CCNB3: variants seen among roughly 807,000 people sequenced by gnomAD.
CCNB3 encodes the protein cyclin B3, also known as G2/mitotic-specific cyclin-B3.
A neutral mutation model predicts 68.0 loss-of-function variants in CCNB3; 12 were observed. The observed-to-expected ratio is 0.18, with a 90% CI of 0.11 to 0.29. The LOEUF (loss-of-function observed/expected upper bound fraction) is 0.29. CCNB3 is among the 10% of genes least tolerant of loss of function. The pLI, the probability that CCNB3 is intolerant of heterozygous loss-of-function variation, is 1.00. For missense variants in CCNB3, 904 were observed against 993.1 expected (o/e 0.91, Z 1.21); for synonymous variants, 354 against 388.9 (o/e 0.91, Z 1.06).
At chrX:50,324,907 A>G (rs1462401574) in intron 8 of CCNB3, among the ~76,000 whole-genome samples, 1 of 111,143 alleles carries the variant, frequency 9.0e-6, no homozygotes, top group Non-Finnish European at 1.9e-5. Flanking sequence ...TTTTAAAAAT[A>G]TTTCCTTTTC....
chrX:50,341,484 A>G (rs900003167), intron 8 of CCNB3, among the ~76,000 whole-genome samples: 6 of 109,116 alleles, frequency 5.5e-5, no homozygotes, highest in African/African-American at 1.3e-4. Context: ...CAAAATTAGT[A>G]GAAGGAAAGA....
At chrX:50,284,218 C>T (rs1476946451) in intron 1 of CCNB3, among the ~76,000 whole-genome samples, 1 of 111,063 alleles carries the variant, frequency 9.0e-6, no homozygotes, top group East Asian at 2.8e-4. Context: ...ACTCCTTCAC[C>T]ATCTTCGTCC....
At chrX:50,295,423 CT>C (rs1239596574) in intron 5 of CCNB3, among the ~76,000 whole-genome samples, 3 of 111,238 alleles carry the variant, frequency 2.7e-5, no homozygotes, top group Non-Finnish European at 5.7e-5. Context: ...TACTATCTCC[CT>C]AGAGCAAAAA....
intron 3 of CCNB3, among the ~76,000 whole-genome samples, chrX:50,286,697 T>TG (rs1393132397): frequency 1.9e-5 from 2 of 106,824 alleles, no homozygotes; most frequent in Admixed American, 2.0e-4. Context: ...GTCACCAGGC[T>TG]GGAGTGCAGT....
chrX:50,320,010 G>T (rs1289278309), intron 8 of CCNB3, among the ~76,000 whole-genome samples: 1 of 111,015 alleles, frequency 9.0e-6, no homozygotes, highest in Non-Finnish European at 1.9e-5. Flanking sequence ...GATTTGATTT[G>T]CTAATATTTT....
rs1200941286 is a variant in CCNB3, at chrX:50,295,428, G to A, written c.335+435G>A. Among the ~76,000 whole-genome samples, 13 of 111,274 alleles carry A rather than the reference G, an allele frequency of 1.2e-4. No individual in the cohort carries two copies. The Admixed American group carries it at 1.2e-3, about 11-fold the overall frequency. On this transcript the variant is annotated intron_variant, in intron 5 of 12. Coordinates refer to ENST00000376042, the MANE Select transcript of CCNB3 (RefSeq NM_033031.3). ...GGAGATAAATTACTATCTCCCTAGA[G>A]CAAAAACATGTGGTTTTCAGCTGTT...
At chrX:50,221,728 G>A (rs1487825057) in intron 1 of CCNB3, among the ~76,000 whole-genome samples, 1 of 111,677 alleles carries the variant, frequency 9.0e-6, no homozygotes, top group Non-Finnish European at 1.9e-5. Context: ...ATGTGGTGCT[G>A]AGAAGAATGT....
intron 1 of CCNB3, among the ~76,000 whole-genome samples, chrX:50,218,959 C>T (rs901936722): frequency 3.3e-3 from 365 of 111,616 alleles, no homozygotes; most frequent in Non-Finnish European, 5.4e-3. Context: ...TTTTAATGAT[C>T]GCCATTCCAA....
chrX:50,350,236 C>T (rs782630685), intron 11 of CCNB3, among the ~76,000 whole-genome samples: 11 of 97,211 alleles, frequency 1.1e-4, no homozygotes, highest in Non-Finnish European at 1.8e-4. Flanking sequence ...GTATGATACA[C>T]ACATACACAA....
rs1745379677 is a variant in CCNB3 at position 50,288,837 on chromosome X, T to C, written c.154T>C (p.Ser52Pro). 8.3e-7 allele frequency: 1 copy of C among 1,206,000 alleles called. No homozygotes were observed. The highest frequency in any genetic ancestry group is 2.2e-5 in the Admixed American group (1 of 45,657). The change falls in exon 4 of 13, where the codon TCA becomes CCA. Residue 52 changes from serine (S) to proline (P), a missense_variant. By Grantham distance (74) the Ser-to-Pro change is moderately conservative (BLOSUM62 -1). This residue lies in a region of CCNB3 where 619 missense variants were observed against 609.8 expected (regional missense o/e 1.02). Transcript: ENST00000376042. Reference protein sequence around the residue: ...SPSSLQESPSSLQGALKKRSA... With the variant: ...SPSSLQESPSPLQGALKKRSA... Reference sequence around the variant, plus strand: ...ATCTTCACTTCAGGAGTCTCCATCTTCACTTCAGGGAGCACTCAAAAAGAG... The same window carrying C: ...ATCTTCACTTCAGGAGTCTCCATCTCCACTTCAGGGAGCACTCAAAAAGAG...
chrX:50,302,364 T>C (rs1936665487), intron 5 of CCNB3, among the ~76,000 whole-genome samples: 1 of 112,166 alleles, frequency 8.9e-6, no homozygotes, highest in Non-Finnish European at 1.9e-5. Flanking sequence ...AGGACCCTAA[T>C]AATAGTAGGA....
intron 1 of CCNB3, among the ~76,000 whole-genome samples, chrX:50,213,732 A>G (rs1345997256): frequency 1.8e-5 from 2 of 111,707 alleles, no homozygotes; most frequent in Non-Finnish European, 3.8e-5. Flanking sequence ...GGTGTGTTAT[A>G]GCAGTGTGCT....
chrX:50,312,427 A>G lies in CCNB3; in HGVS notation c.3328-110A>G, dbSNP rs1921512799. 9.5e-6 allele frequency: 6 copies of G among 632,772 alleles called. No individual in the cohort carries two copies. In the Admixed American group the frequency reaches 1.5e-4, roughly 16 times the overall value. The allele number at this position is 632,772 out of a possible 1,213,427, so 52.1% of individuals were successfully genotyped here. ...GCCCAACATATACAAGGCTTGAGAC[A>G]CCTTAGCAGAAGAAGACAGTGGGGA... On this transcript the variant is annotated intron_variant, in intron 6 of 12. Coordinates refer to ENST00000376042, the MANE Select transcript of CCNB3 (RefSeq NM_033031.3).
At chrX:50,212,594 C>T (rs1255205024) in intron 1 of CCNB3, among the ~76,000 whole-genome samples, 1 of 111,006 alleles carries the variant, frequency 9.0e-6, no homozygotes, top group African/African-American at 3.3e-5. Context: ...AGTTGGACAA[C>T]CATCACCATG....
intron 1 of CCNB3, among the ~76,000 whole-genome samples, chrX:50,207,702 C>T (rs75820041): frequency 1.8e-5 from 2 of 111,779 alleles, no homozygotes; most frequent in South Asian, 3.8e-4. Context: ...TTTTTAGGAA[C>T]TGATATACTT....
In CCNB3 at chrX:50,307,967, T is replaced by G. The variant is rs782057458; in HGVS notation, c.336-538T>G. On this transcript the variant is annotated intron_variant, in intron 5 of 12. Coordinates refer to ENST00000376042, the MANE Select transcript of CCNB3 (RefSeq NM_033031.3). ...AAAACAAAGCTTTGCATCTGGCACA[T>G]GTGACAAGTTTCTATTTTGAGCTTT... Among the ~76,000 whole-genome samples the G allele has an allele frequency of 3.0e-4, 34 of 112,194 alleles. No homozygotes were observed. In the East Asian group the frequency reaches 3.1e-3, roughly 10 times the overall value.
At chrX:50,211,386 G>A (rs1192789568) in intron 1 of CCNB3, among the ~76,000 whole-genome samples, 1 of 110,793 alleles carries the variant, frequency 9.0e-6, no homozygotes, top group Non-Finnish European at 1.9e-5. Context: ...CATTACAGCC[G>A]GGTGCGGTGG....
At chrX:50,214,757 T>C (rs1935543011) in intron 1 of CCNB3, among the ~76,000 whole-genome samples, 2 of 104,740 alleles carry the variant, frequency 1.9e-5, no homozygotes, top group Admixed American at 1.1e-4. Flanking sequence ...AGAATGTCCC[T>C]ACGTTGCTCA....
At chrX:50,307,234 A>G (rs1921122304) in intron 5 of CCNB3, among the ~76,000 whole-genome samples, 2 of 111,813 alleles carry the variant, frequency 1.8e-5, no homozygotes, top group East Asian at 5.6e-4. Context: ...ATTTATTGAC[A>G]TTCAATTGTT....
Sources: gnomAD v4.1 joint callset for allele counts (sites outside exome capture counted in the v4.1 genomes callset) on GRCh38, gnomAD v4.1.1 for gene constraint, gnomAD v4.1.1 regional missense constraint, MANE v1.5 for transcripts, NCBI Gene and HGNC (gene_info 2026-07-23, HGNC 2026-07-21) for gene names.